Variants in RGS7 observed in about 807,000 individuals in gnomAD.
The protein encoded by RGS7 is regulator of G protein signaling 7, also known as regulator of G-protein signaling 7.
Under a neutral mutation model 81.1 loss-of-function variants are expected in RGS7, and 27 were observed. The observed-to-expected ratio is 0.33, with a 90% CI of 0.25 to 0.46. RGS7 has a LOEUF of 0.46. Among genes scored for constraint, RGS7 ranks in the 20% least tolerant of loss-of-function variants. The probability of loss-of-function intolerance (pLI) is 1.00; values close to 1 mark genes in which losing one functional copy is unlikely to be tolerated. For missense variants in RGS7, 396 were observed against 607.4 expected (o/e 0.65, Z 3.66); for synonymous variants, 208 against 207.7 (o/e 1.00, Z -0.01).
At chr1:241,141,791 A>T (rs1215129807) in intron 2 of RGS7, among the ~76,000 whole-genome samples, 1 of 152,134 alleles carries the variant, frequency 6.6e-6, no homozygotes, top group Non-Finnish European at 1.5e-5. Context: ...CCCCTGGAAA[A>T]TCTCATGTAC....
At chr1:241,185,577 A>G (rs2072023721) in intron 2 of RGS7, among the ~76,000 whole-genome samples, 1 of 152,140 alleles carries the variant, frequency 6.6e-6, no homozygotes, top group African/African-American at 2.4e-5. Flanking sequence ...ACCAAATTAG[A>G]CCGTATTCTG....
intron 2 of RGS7, among the ~76,000 whole-genome samples, chr1:241,220,144 A>C: frequency 6.6e-6 from 1 of 152,212 alleles, no homozygotes; most frequent in Non-Finnish European, 1.5e-5. Context: ...TTACTTGAAA[A>C]GACCATGGAG....
chr1:241,227,570 C>CAAAAAAAAAA (rs5782179), intron 2 of RGS7, among the ~76,000 whole-genome samples: 3 of 103,712 alleles, frequency 2.9e-5, no homozygotes, highest in Non-Finnish European at 3.8e-5. Context: ...CTGTCTCTAC[C>CAAAAAAAAAA]AAAAAAAAAA....
intron 2 of RGS7, among the ~76,000 whole-genome samples, chr1:241,188,493 A>G (rs1405547050): frequency 3.3e-5 from 5 of 152,170 alleles, no homozygotes; most frequent in African/African-American, 1.2e-4. Context: ...TCTTTTCAGC[A>G]GAGTGTTAAA....
chr1:241,187,171 T>C (rs2072198290), intron 2 of RGS7, among the ~76,000 whole-genome samples: 1 of 152,018 alleles, frequency 6.6e-6, no homozygotes. Flanking sequence ...GAAAGGCAGA[T>C]GTTGTGAAGG....
chr1:240,852,754 AG>A (rs1249955903), intron 9 of RGS7, among the ~76,000 whole-genome samples: 2 of 152,208 alleles, frequency 1.3e-5, no homozygotes, highest in East Asian at 3.9e-4. Flanking sequence ...AAGGTAAGTA[AG>A]AGCCAAACAA....
At chr1:241,114,971 T>A (rs1274178943) in intron 2 of RGS7, among the ~76,000 whole-genome samples, 1 of 152,218 alleles carries the variant, frequency 6.6e-6, no homozygotes, top group Non-Finnish European at 1.5e-5. Flanking sequence ...GGACTTTACT[T>A]GACTATCACA....
intron 2 of RGS7, among the ~76,000 whole-genome samples, chr1:241,217,759 C>T (rs1251648173): frequency 6.6e-6 from 1 of 152,164 alleles, no homozygotes; most frequent in African/African-American, 2.4e-5. Flanking sequence ...AGCTAATTGC[C>T]TTTCTCTCAA....
At chr1:240,930,151 A>G (rs1157265716) in intron 6 of RGS7, among the ~76,000 whole-genome samples, 1 of 151,896 alleles carries the variant, frequency 6.6e-6, no homozygotes, top group Non-Finnish European at 1.5e-5. Flanking sequence ...TGAGTGAAAT[A>G]ATGGCTGTTG....
chr1:240,892,025 T>A (rs1222088902), intron 6 of RGS7, among the ~76,000 whole-genome samples: 4 of 152,206 alleles, frequency 2.6e-5, no homozygotes, highest in Non-Finnish European at 5.9e-5. Flanking sequence ...GAGGATCTTA[T>A]CATCACTGAG....
At chr1:241,278,073 G>GATCC (rs2078293204) in intron 2 of RGS7, among the ~76,000 whole-genome samples, 1 of 152,118 alleles carries the variant, frequency 6.6e-6, no homozygotes, top group Non-Finnish European at 1.5e-5. Flanking sequence ...CCGTCACAGC[G>GATCC]ATGCTTCCTG....
At chr1:241,063,666 A>G (rs1365352475) in intron 3 of RGS7, among the ~76,000 whole-genome samples, 6 of 152,026 alleles carry the variant, frequency 3.9e-5, no homozygotes, top group African/African-American at 1.2e-4. Context: ...ACATGTAACA[A>G]TTCCTTACAA....
intron 2 of RGS7, among the ~76,000 whole-genome samples, chr1:241,186,140 A>T (rs1265699264): frequency 1.3e-5 from 2 of 152,200 alleles, no homozygotes; most frequent in Non-Finnish European, 2.9e-5. Flanking sequence ...AATGGGAAAC[A>T]TCACAAAGAC....
intron 2 of RGS7, among the ~76,000 whole-genome samples, chr1:241,148,502 C>G (rs2068519421): frequency 6.6e-6 from 1 of 152,212 alleles, no homozygotes; most frequent in Non-Finnish European, 1.5e-5. Context: ...ACCTTATTCC[C>G]AGACCTCAGC....
chr1:241,320,715 C>T (rs2081157796), intron 2 of RGS7, among the ~76,000 whole-genome samples: 1 of 152,244 alleles, frequency 6.6e-6, no homozygotes, highest in East Asian at 1.9e-4. Flanking sequence ...TGCTTCTTTC[C>T]TCAACAAACT....
chr1:240,868,555 G>T lies in RGS7; in HGVS notation c.609+32C>A. 6.2e-7 allele frequency: 1 copy of T among 1,600,880 alleles called. No homozygotes were observed. Among genetic ancestry groups the T allele is most frequent in the Non-Finnish European group, 8.6e-7 (1 of 1,168,126 alleles). ...CTCACTTCCCACAGACGGAGAAGAT[G>T]GATTCAAGACGAGAGTGCGACGCTT... On this transcript the variant is annotated intron_variant, in intron 9 of 18. Transcript: ENST00000440928. The surrounding 1 kb of genome is among the most constrained non-coding windows in gnomAD (Gnocchi z 5.1).
chr1:241,152,969 A>C (rs2068860420), intron 2 of RGS7, among the ~76,000 whole-genome samples: 1 of 152,208 alleles, frequency 6.6e-6, no homozygotes. Context: ...ATATTGACTG[A>C]TCAGGTCACT....
chr1:241,252,751 C>A (rs578041023), intron 2 of RGS7, among the ~76,000 whole-genome samples: 1 of 152,088 alleles, frequency 6.6e-6, no homozygotes, highest in Non-Finnish European at 1.5e-5. Context: ...AAGTCTTTTG[C>A]GGGTAGGTAT....
chr1:240,899,670 GCTTCCCTTTGTGGGTAAC>G (rs1233002578), intron 6 of RGS7, among the ~76,000 whole-genome samples: 1 of 152,192 alleles, frequency 6.6e-6, no homozygotes, highest in East Asian at 1.9e-4. Context: ...AGTCTGATGG[GCTTCCCTTTGTGGGTAAC>G]CTGACCTTTC....
Sources: gnomAD v4.1 joint callset for allele counts (sites outside exome capture counted in the v4.1 genomes callset) on GRCh38, gnomAD v4.1.1 for gene constraint, Gnocchi (gnomAD v3.1) non-coding constraint, MANE v1.5 for transcripts, NCBI Gene and HGNC (gene_info 2026-07-23, HGNC 2026-07-21) for gene names.